VAC14: variants seen among roughly 807,000 people sequenced by gnomAD.
VAC14 encodes protein VAC14 homolog.
Under a neutral mutation model 85.3 loss-of-function variants are expected in VAC14, and 47 were observed. The observed-to-expected ratio is 0.55, with a 90% CI of 0.44 to 0.70. The LOEUF (loss-of-function observed/expected upper bound fraction) is 0.70, where lower values mean the gene tolerates loss of function less well. VAC14 is among the 30% of genes least tolerant of loss of function. VAC14 has a pLI of 0.00. For missense variants in VAC14, 861 were observed against 1,004.3 expected, an observed-to-expected ratio of 0.86 and a Z score of 1.93; for synonymous variants, 447 against 430.5, an observed-to-expected ratio of 1.04 and a Z score of -0.47.
At chr16:70,722,729 G>A (rs1190222916) in intron 14 of VAC14, among the ~76,000 whole-genome samples, 1 of 152,236 alleles carries the variant, frequency 6.6e-6, no homozygotes, top group African/African-American at 2.4e-5. Context: ...CAAGGAGGCA[G>A]AGGATGGAAA....
intron 12 of VAC14, among the ~76,000 whole-genome samples, chr16:70,751,710 T>C (rs1435153882): frequency 2.0e-5 from 3 of 152,022 alleles, no homozygotes; most frequent in African/African-American, 7.2e-5. Flanking sequence ...CCAGGAAGGG[T>C]CCCCTGGGGG....
intron 14 of VAC14, among the ~76,000 whole-genome samples, chr16:70,713,049 C>T (rs1231949701): frequency 2.6e-5 from 4 of 152,160 alleles, no homozygotes; most frequent in Admixed American, 6.5e-5. Context: ...TTTTTAGCTA[C>T]GGTGGCTCTT....
intron 14 of VAC14, among the ~76,000 whole-genome samples, chr16:70,703,290 A>G (rs548535712): frequency 2.0e-5 from 3 of 152,230 alleles, no homozygotes; most frequent in Non-Finnish European, 4.4e-5. Flanking sequence ...TCATGAGACA[A>G]TGGCCTGGAA....
intron 1 of VAC14, among the ~76,000 whole-genome samples, chr16:70,791,538 T>C (rs933850004): frequency 5.3e-5 from 8 of 152,096 alleles, no homozygotes; most frequent in African/African-American, 1.9e-4. Context: ...GCGCCTGCCA[T>C]CACGCCTGGC....
chr16:70,743,436 C>A (rs1420322742), intron 13 of VAC14, among the ~76,000 whole-genome samples: 2 of 152,312 alleles, frequency 1.3e-5, no homozygotes, highest in Admixed American at 6.5e-5. Context: ...TTGTTCTTCA[C>A]AATAAATCTT....
intron 14 of VAC14, among the ~76,000 whole-genome samples, chr16:70,710,617 A>G (rs1171200261): frequency 6.6e-6 from 1 of 152,186 alleles, no homozygotes; most frequent in Non-Finnish European, 1.5e-5. Context: ...CCTTTGTTCC[A>G]GGCCAGGGAG....
At chr16:70,708,399 G>A (rs1033246750) in intron 14 of VAC14, among the ~76,000 whole-genome samples, 2 of 152,226 alleles carry the variant, frequency 1.3e-5, no homozygotes, top group South Asian at 2.1e-4. Context: ...TACTTTGGCC[G>A]TGGGGCTGGG....
At chr16:70,766,722 C>T (rs2032844641) in intron 10 of VAC14, among the ~76,000 whole-genome samples, 1 of 152,158 alleles carries the variant, frequency 6.6e-6, no homozygotes, top group Admixed American at 6.5e-5. Context: ...TCATGGGAAG[C>T]AGGTGGACCC....
rs769800350 is a variant in VAC14 at position 70,692,903 on chromosome 16, T to A, written c.2104A>T (p.Met702Leu). The change falls in exon 18 of 19, where the codon ATG (methionine) becomes TTG (leucine). Residue 702 changes from methionine to leucine, a missense_variant. Around this residue, in one of 3 missense-constraint regions of VAC14, gnomAD observed 163 missense variants for 162.2 expected, o/e 1.00. Transcript: ENST00000261776. ...AAGGCGCTGCTCTGCGGCAGGAGCA[T>A]GAGCAGGCCGTAGAGGGCCTTGATC... ...YLIKALYGLL[M>L]LLPQSSAFQL... The A allele has an allele frequency of 1.2e-6, 2 of 1,609,882 alleles. No individual in the cohort carries two copies. Among genetic ancestry groups the A allele is most frequent in the East Asian group, 2.2e-5 (1 of 44,790 alleles).
Position 70,687,790 on chromosome 16 carries a change from C to T in VAC14, c.*138G>A. 6 of 973,842 alleles carry T rather than the reference C, an allele frequency of 6.2e-6. No individual in the cohort carries two copies. The highest frequency in any genetic ancestry group is 6.8e-6 in the Non-Finnish European group (5 of 737,746). 60.3% of individuals were successfully genotyped at this position (973,842 alleles called of 1,614,324 possible). A position where few individuals can be genotyped will look rare whatever the true frequency, so the allele number is the denominator to read the frequency against. Reference sequence around the variant, plus strand: ...GAGGAGCTTGGGCAGACACAGCAGCCTCCGGCCCCAACACTGCCCTGGGTT... The same window carrying T: ...GAGGAGCTTGGGCAGACACAGCAGCTTCCGGCCCCAACACTGCCCTGGGTT... On this transcript the variant is annotated 3_prime_UTR_variant, in exon 19 of 19. Coordinates refer to ENST00000261776, the MANE Select transcript of VAC14 (RefSeq NM_018052.5).
intron 13 of VAC14, 78 bp from the exon 14 acceptor site, chr16:70,731,705 C>T: frequency 6.8e-7 from 1 of 1,467,682 alleles, no homozygotes; most frequent in Non-Finnish European, 9.1e-7. Context: ...AGAATATAAA[C>T]AACTATAAAT....
intron 14 of VAC14, among the ~76,000 whole-genome samples, chr16:70,728,535 G>A (rs1016839410): frequency 2.6e-5 from 4 of 152,220 alleles, no homozygotes; most frequent in African/African-American, 4.8e-5. Flanking sequence ...CCTGGAGTCT[G>A]CACCTGGGAA....
In VAC14 at chr16:70,779,644, T is replaced by C. The variant is rs1490195036; in HGVS notation, c.1096+1146A>G. ...ATGTTAGATTTGTAATAAATGGAAT[T>C]TAACTAGAAAAAAAAATCTGAGTAG... On this transcript the variant is annotated intron_variant, in intron 9 of 18. Coordinates refer to ENST00000261776, the MANE Select transcript of VAC14 (RefSeq NM_018052.5). Among the ~76,000 whole-genome samples, 6 of 151,924 alleles carry C rather than the reference T, an allele frequency of 3.9e-5. No homozygotes were observed. The East Asian group carries it at 7.7e-4, about 19-fold the overall frequency.
rs2034790150 is a variant in VAC14 at position 70,801,134 on chromosome 16, A to G, written c.-234T>C. On this transcript the variant is annotated 5_prime_UTR_variant, in exon 1 of 19. Transcript: ENST00000261776. Reference sequence around the variant, plus strand: ...CCGCCCGGCACTAGCGGGACTCACGAGACAGCGGCCATGTTACTCGAGTCA... The same window carrying G: ...CCGCCCGGCACTAGCGGGACTCACGGGACAGCGGCCATGTTACTCGAGTCA... 9.4e-6 allele frequency: 4 copies of G among 423,340 alleles called. No homozygotes were observed. Among genetic ancestry groups the G allele is most frequent in the Admixed American group, 4.5e-5 (1 of 22,004 alleles). 26.2% of individuals were successfully genotyped at this position (423,340 alleles called of 1,614,324 possible). A position where few individuals can be genotyped will look rare whatever the true frequency, so the allele number is the denominator to read the frequency against.
chr16:70,749,629 C>T (rs1306090240), intron 12 of VAC14, among the ~76,000 whole-genome samples: 1 of 152,282 alleles, frequency 6.6e-6, no homozygotes, highest in East Asian at 1.9e-4. Flanking sequence ...AAACAGCATC[C>T]CCATCCCCAT....
chr16:70,691,573 G>A (rs1244147519), intron 18 of VAC14: 1 of 985,494 alleles, frequency 1.0e-6, no homozygotes. Flanking sequence ...ATCAGGTGCT[G>A]TCTTCTGGGG....
intron 1 of VAC14, 80 bp downstream of exon 1, chr16:70,800,717 T>C (rs2034755315): frequency 1.6e-6 from 2 of 1,272,662 alleles, no homozygotes; most frequent in African/African-American, 1.5e-5. Flanking sequence ...TAACCCTGGC[T>C]GGGAAGGCGT....
Position 70,698,728 on chromosome 16 carries a change from G to A in VAC14, c.1745C>T (p.Ala582Val). The A allele has an allele frequency of 6.2e-7, 1 of 1,614,206 alleles. No homozygotes were observed. The highest frequency in any genetic ancestry group is 8.5e-7 in the Non-Finnish European group (1 of 1,180,026). The change falls in exon 15 of 19, where the codon GCC becomes GTC. Residue 582 changes from alanine to valine, a missense_variant. Physicochemically the swap from Ala to Val is moderately conservative, Grantham distance 64 (BLOSUM62 0). Around this residue, in one of 3 missense-constraint regions of VAC14, gnomAD observed 69 missense variants for 139.0 expected, o/e 0.50. Transcript: ENST00000261776. ...ILLREEDLKF[A>V]STMVHALNTI... ...GTTGAGGGCGTGGACCATGGTCGAG[G>A]CGAACTTGAGGTCCTCCTCCCGCAG...
At chr16:70,738,540 C>A (rs780697574) in intron 13 of VAC14, among the ~76,000 whole-genome samples, 9 of 151,820 alleles carry the variant, frequency 5.9e-5, no homozygotes, top group Non-Finnish European at 1.3e-4. Context: ...AGGGCTGGGG[C>A]CAAAGGCAGC....
Sources: allele counts gnomAD v4.1 joint callset (sites outside exome capture counted in the v4.1 genomes callset), GRCh38; gene constraint gnomAD v4.1.1; regional missense constraint gnomAD v4.1.1; transcripts MANE v1.5; gene names NCBI Gene and HGNC (gene_info 2026-07-23, HGNC 2026-07-21).